Variants in ATRN observed in about 807,000 individuals in gnomAD.
The protein encoded by ATRN is attractin.
Under a neutral mutation model 178.7 loss-of-function variants are expected in ATRN, and 54 were observed. That is an observed-to-expected ratio of 0.30 (90% CI 0.24 to 0.38). ATRN has a LOEUF of 0.38. ATRN is among the 10% of genes least tolerant of loss of function. ATRN has a pLI of 1.00. For missense variants in ATRN, 1,443 were observed against 1,815.1 expected (o/e 0.79, Z 3.73); for synonymous variants, 636 against 663.0 (o/e 0.96, Z 0.63).
intron 1 of ATRN, among the ~76,000 whole-genome samples, chr20:3,532,563 G>T (rs2085468842): frequency 6.6e-6 from 1 of 152,092 alleles, no homozygotes; most frequent in African/African-American, 2.4e-5. Context: ...ATCATAGGTT[G>T]TTTTTTAAAA....
chr20:3,534,500 A>C (rs1568713035), intron 1 of ATRN, among the ~76,000 whole-genome samples: 2 of 152,148 alleles, frequency 1.3e-5, no homozygotes, highest in South Asian at 4.1e-4. Flanking sequence ...CGATTTGTTA[A>C]TATCTTTAGT....
rs1409999476 is a variant in ATRN, at chr20:3,485,627, T to G, written c.410+14110T>G. On this transcript the variant is annotated intron_variant, in intron 1 of 28. Transcript: ENST00000262919. ...TTTTTGAGGTTTTTTTTTTTTTTTT[T>G]TTTTTTTTTTTTGAGTTGGAGTCTT... Among the ~76,000 whole-genome samples, 581 of 114,452 alleles carry G rather than the reference T, an allele frequency of 5.1e-3. 9 individuals carry two copies. Among genetic ancestry groups the G allele is most frequent in the African/African-American group, 0.019 (544 of 28,090 alleles). 75.1% of individuals were successfully genotyped at this position (114,452 alleles called of 152,430 possible). A position where few individuals can be genotyped will look rare whatever the true frequency, so the allele number is the denominator to read the frequency against.
intron 28 of ATRN, 102 bp from the exon 29 acceptor site, chr20:3,646,621 G>A: frequency 7.0e-7 from 1 of 1,421,812 alleles, no homozygotes; most frequent in African/African-American, 1.4e-5. Context: ...TGGTTTGTTT[G>A]TTTTGCACCA....
At chr20:3,489,971 CCTTG>C in intron 1 of ATRN, 2 of 1,018,956 alleles carry the variant, frequency 2.0e-6, no homozygotes, top group African/African-American at 1.6e-5. Context: ...CTTCTCCTGT[CCTTG>C]CTTGCTTGCA....
intron 21 of ATRN, 94 bp downstream of exon 21, chr20:3,596,523 C>CT: frequency 3.5e-6 from 4 of 1,127,568 alleles, no homozygotes; most frequent in Non-Finnish European, 5.3e-6. Context: ...TGCTATAAGA[C>CT]TATAGCAGCC....
intron 1 of ATRN, among the ~76,000 whole-genome samples, chr20:3,513,816 G>A (rs962335627): frequency 1.6e-4 from 24 of 152,146 alleles, no homozygotes; most frequent in Admixed American, 8.5e-4. Context: ...CACGTCCCTT[G>A]TAAGTTGGAT....
rs561619537 is a variant in ATRN, at chr20:3,506,992, CAAAG to C, written c.411-28260_411-28257del. 1.8e-3 allele frequency among the ~76,000 whole-genome samples: 266 copies of C among 148,808 alleles called. 2 individuals carry two copies. The highest frequency in any genetic ancestry group is 6.1e-3 in the African/African-American group (246 of 40,524). ...AAATACCTGTATAGAAGCACAGAGACAAAGGAATGAAAAATACTAGGTTGGTGCA... is the reference window on the plus strand; with the variant it reads ...AAATACCTGTATAGAAGCACAGAGACGAATGAAAAATACTAGGTTGGTGCA... On this transcript the variant is annotated intron_variant, in intron 1 of 28. Coordinates refer to ENST00000262919, the MANE Select transcript of ATRN (RefSeq NM_139321.3).
At chr20:3,480,823 A>C (rs574473029) in intron 1 of ATRN, among the ~76,000 whole-genome samples, 1 of 152,370 alleles carries the variant, frequency 6.6e-6, no homozygotes, top group South Asian at 2.1e-4. Flanking sequence ...GATTTAATAC[A>C]TTTGTAGGTT....
intron 1 of ATRN, among the ~76,000 whole-genome samples, chr20:3,534,519 AGTAGC>A (rs2085496657): frequency 6.6e-6 from 1 of 152,154 alleles, no homozygotes; most frequent in Non-Finnish European, 1.5e-5. Context: ...GTGCATTAGG[AGTAGC>A]TGGGAGATGA....
intron 14 of ATRN, 65 bp from the exon 15 acceptor site, chr20:3,578,517 T>G (rs2146252768): frequency 7.2e-7 from 1 of 1,397,782 alleles, no homozygotes; most frequent in Non-Finnish European, 9.7e-7. Flanking sequence ...TAATTTGAAC[T>G]CATAATACAG....
intron 1 of ATRN, among the ~76,000 whole-genome samples, chr20:3,480,857 A>G (rs370578492): frequency 2.2e-4 from 33 of 152,340 alleles, no homozygotes; most frequent in African/African-American, 7.9e-4. Context: ...GAAATACAGA[A>G]GTGAGTACCT....
intron 23 of ATRN, among the ~76,000 whole-genome samples, chr20:3,603,440 C>T (rs2086638686): frequency 6.6e-6 from 1 of 151,014 alleles, no homozygotes; most frequent in African/African-American, 2.4e-5. Flanking sequence ...GGGGGTGGGG[C>T]AAGGGTGGAA....
At chr20:3,637,834 T>G (rs936544488) in intron 26 of ATRN, among the ~76,000 whole-genome samples, 4 of 152,154 alleles carry the variant, frequency 2.6e-5, no homozygotes, top group African/African-American at 9.7e-5. Flanking sequence ...ACATCAAGCC[T>G]CCCTAAATCC....
At chr20:3,576,824 A>G (rs781339247) in intron 13 of ATRN, 35 bp from the exon 14 acceptor site, 1 of 1,609,160 alleles carries the variant, frequency 6.2e-7, no homozygotes, top group Non-Finnish European at 8.5e-7. Flanking sequence ...CTCTCTGTGG[A>G]TACAAAAGAA....
At chr20:3,573,606 C>T (rs946382019) in intron 12 of ATRN, among the ~76,000 whole-genome samples, 3 of 151,948 alleles carry the variant, frequency 2.0e-5, no homozygotes, top group South Asian at 2.1e-4. Context: ...TGAGGATGGG[C>T]GATGATCCCT....
In ATRN at chr20:3,604,134, G is replaced by T; in HGVS notation, c.3673G>T (p.Val1225Phe). Reference sequence around the variant, plus strand: ...AACCCAGGCTGGAGAAGAGATGCCTGTTGTTTCAAAAACCAACATTAAGGA... The same window carrying T: ...AACCCAGGCTGGAGAAGAGATGCCTTTTGTTTCAAAAACCAACATTAAGGA... ...AGTQAGEEMP[V>F]VSKTNIKEYK... Residue 1225 changes from valine (V) to phenylalanine (F), a missense_variant, in exon 24 of 29, where the codon GTT becomes TTT. This residue lies in a region of ATRN where 289 missense variants were observed against 440.8 expected (regional missense o/e 0.66). Transcript: ENST00000262919. The T allele has an allele frequency of 6.3e-7, 1 of 1,596,866 alleles. No homozygotes were observed. The highest frequency in any genetic ancestry group is 1.2e-5 in the South Asian group (1 of 86,826).
chr20:3,519,293 A>G (rs1157121805), intron 1 of ATRN, among the ~76,000 whole-genome samples: 1 of 152,138 alleles, frequency 6.6e-6, no homozygotes, highest in East Asian at 1.9e-4. Context: ...AGGTTAACAC[A>G]CAGTGTACTC....
chr20:3,524,632 G>A lies in ATRN; in HGVS notation c.411-10621G>A, dbSNP rs237412. The stretch of plus-strand genomic sequence containing the variant: ...TATACATTCTTCTCAGCACCACATG[G>A]CACTTGTCCTAAAATTGACCACATA... On this transcript the variant is annotated intron_variant, in intron 1 of 28. Coordinates refer to ENST00000262919, the MANE Select transcript of ATRN (RefSeq NM_139321.3). Among the ~76,000 whole-genome samples, 1,016 of 152,198 alleles carry A rather than the reference G, an allele frequency of 6.7e-3. 15 individuals carry two copies. The highest frequency in any genetic ancestry group is 0.023 in the African/African-American group (953 of 41,530).
At chr20:3,509,628 C>T (rs958602261) in intron 1 of ATRN, among the ~76,000 whole-genome samples, 15 of 151,852 alleles carry the variant, frequency 9.9e-5, no homozygotes, top group South Asian at 4.2e-4. Context: ...CTCAGCCTCC[C>T]GAGTAGCTGG....
Sources: gnomAD v4.1 joint callset for allele counts (sites outside exome capture counted in the v4.1 genomes callset) on GRCh38, gnomAD v4.1.1 for gene constraint, gnomAD v4.1.1 regional missense constraint, MANE v1.5 for transcripts, NCBI Gene and HGNC (gene_info 2026-07-23, HGNC 2026-07-21) for gene names.